Variants in CNTD1 observed in about 807,000 individuals in gnomAD.
The protein encoded by CNTD1 is cyclin N-terminal domain-containing protein 1.
Under a neutral mutation model 36.3 loss-of-function variants are expected in CNTD1, and 17 were observed. That is an observed-to-expected ratio of 0.47 (90% CI 0.32 to 0.70). The LOEUF (loss-of-function observed/expected upper bound fraction) is 0.70. CNTD1 is among the 30% of genes least tolerant of loss of function. The pLI is 0.03. For synonymous variants in CNTD1, 128 were observed against 153.3 expected, an observed-to-expected ratio of 0.83 and a Z score of 1.22; for missense variants, 338 against 386.1, an observed-to-expected ratio of 0.88 and a Z score of 1.04.
chr17:42,803,532 CCAT>C (rs1258263049), intron 1 of CNTD1, 85 bp from the exon 2 acceptor site: 10 of 949,694 alleles, frequency 1.1e-5, no homozygotes, highest in Admixed American at 1.9e-5. Context: ...TCCCTTGGCC[CCAT>C]CACGGCTTTT....
chr17:42,808,537 T>A, intron 6 of CNTD1, among the ~76,000 whole-genome samples: 1 of 129,008 alleles, frequency 7.8e-6, no homozygotes, highest in African/African-American at 3.0e-5. Context: ...GGAGACAGAG[T>A]GAGACCCCAT....
At position 42,811,052 on chromosome 17, in the gene CNTD1, G is replaced by A. The variant is rs975451241; in HGVS notation, c.*1517G>A. 1 of 1,058,576 alleles carries A rather than the reference G, an allele frequency of 9.4e-7. No homozygotes were observed. The highest frequency in any genetic ancestry group is 2.6e-5 in the East Asian group (1 of 38,022). 65.6% of individuals were successfully genotyped at this position (1,058,576 alleles called of 1,614,324 possible). On this transcript the variant is annotated 3_prime_UTR_variant, in exon 7 of 7. Coordinates refer to ENST00000588408, the MANE Select transcript of CNTD1 (RefSeq NM_173478.3). ...TATTAAAGAACACTTGGTGAGGAAT[G>A]ATAGTGTATTTTGGATTTGCTTGAA...
rs779834216 is a variant in CNTD1 at position 42,810,928 on chromosome 17, C to T, written c.*1393C>T. The T allele has an allele frequency of 2.6e-5, 41 of 1,605,632 alleles. No individual in the cohort carries two copies. The Admixed American group carries it at 7.0e-4, about 27-fold the overall frequency. On this transcript the variant is annotated 3_prime_UTR_variant, in exon 7 of 7. Transcript: ENST00000588408. ...CAATCTTGCCTTTCTCCACATCCAT[C>T]CTGCAGATGGACAGAGCAAAACTCA...
At chr17:42,808,553 T>TA (rs775660371) in intron 6 of CNTD1, among the ~76,000 whole-genome samples, 3,723 of 99,802 alleles carry the variant, frequency 0.037, 73 homozygotes, top group South Asian at 0.09. Flanking sequence ...CCCATCTCAT[T>TA]AAAAAAAAAA....
chr17:42,801,556 GT>G (rs2054796730), intron 1 of CNTD1, among the ~76,000 whole-genome samples: 3 of 121,826 alleles, frequency 2.5e-5, no homozygotes, highest in African/African-American at 9.1e-5. Flanking sequence ...TAATATATGT[GT>G]GTGTGTGTGT....
chr17:42,808,889 A>C (rs1405302032), intron 6 of CNTD1, among the ~76,000 whole-genome samples: 3 of 152,130 alleles, frequency 2.0e-5, no homozygotes, highest in Non-Finnish European at 4.4e-5. Flanking sequence ...TTCTACAAAA[A>C]ATAAACAAAA....
In CNTD1 at chr17:42,810,683, G is replaced by T. The variant is rs756578156; in HGVS notation, c.*1148G>T. The stretch of plus-strand genomic sequence containing the variant: ...AAACATGTACTGTTTAATATTACCC[G>T]AATTTAATTTAAAACATGTTTGCAA... On this transcript the variant is annotated 3_prime_UTR_variant, in exon 7 of 7. Coordinates refer to ENST00000588408, the MANE Select transcript of CNTD1 (RefSeq NM_173478.3). 5 of 1,441,002 alleles carry T rather than the reference G, an allele frequency of 3.5e-6. No homozygotes were observed. The highest frequency in any genetic ancestry group is 2.8e-6 in the Non-Finnish European group (3 of 1,070,686). 89.3% of individuals were successfully genotyped at this position (1,441,002 alleles called of 1,614,324 possible).
intron 5 of CNTD1, among the ~76,000 whole-genome samples, chr17:42,807,121 G>GA (rs200593733): frequency 0.02 from 3,027 of 150,574 alleles, 91 homozygotes; most frequent in African/African-American, 0.069. Flanking sequence ...CAGTCATTTA[G>GA]AAAAAAAAAC....
Position 42,805,608 on chromosome 17 carries a change from G to C in CNTD1, c.418-114G>C, listed in dbSNP as rs2054865811. ...GCAGAGTGTGAGGGGGAATTACCAA[G>C]AGACAAGACTGAAGATGAAGGAATA... On this transcript the variant is annotated intron_variant, in intron 3 of 6. Coordinates refer to ENST00000588408, the MANE Select transcript of CNTD1 (RefSeq NM_173478.3). 1.2e-5 allele frequency: 11 copies of C among 919,892 alleles called. No individual in the cohort carries two copies. In the South Asian group the frequency reaches 1.7e-4, roughly 14 times the overall value. The allele number at this position is 919,892 out of a possible 1,614,324, so 57.0% of individuals were successfully genotyped here. A position where few individuals can be genotyped will look rare whatever the true frequency, so the allele number is the denominator to read the frequency against.
chr17:42,806,242 T>A lies in CNTD1; in HGVS notation c.580+358T>A, dbSNP rs549651394. On this transcript the variant is annotated intron_variant, in intron 4 of 6. Transcript: ENST00000588408. The stretch of plus-strand genomic sequence containing the variant: ...ACTCCTTCTCAAAAAAAAAAAAAAA[T>A]GTGCACAGGGGTTTGGGAACAGTGG... Among the ~76,000 whole-genome samples, 142 of 141,322 alleles carry A rather than the reference T, an allele frequency of 1.0e-3. 1 individual carries two copies. Among genetic ancestry groups the A allele is most frequent in the South Asian group, 3.7e-3 (17 of 4,568 alleles). 92.7% of individuals were successfully genotyped at this position (141,322 alleles called of 152,430 possible). A position where few individuals can be genotyped will look rare whatever the true frequency, so the allele number is the denominator to read the frequency against.
In CNTD1 at chr17:42,807,529, CAGAT is replaced by C. The variant is rs144154903; in HGVS notation, c.726-235_726-232del. On this transcript the variant is annotated intron_variant, in intron 5 of 6. Transcript: ENST00000588408. ...CTCACAGTTACAATTGTTAGGGAAA[CAGAT>C]AGAACTAAAAAAGGCCTATAAACCA... Among the ~76,000 whole-genome samples the C allele has an allele frequency of 9.8e-3, 1,495 of 152,214 alleles. 28 individuals carry two copies. Among genetic ancestry groups the C allele is most frequent in the African/African-American group, 0.034 (1,415 of 41,552 alleles).
At position 42,804,351 on chromosome 17, in the gene CNTD1, T is replaced by C. The variant is rs773365679; in HGVS notation, c.372T>C (p.Leu124=). Residue 124 remains leucine (L), a synonymous_variant, in exon 3 of 7, where the codon CTT becomes CTC. Transcript: ENST00000588408. The stretch of plus-strand genomic sequence containing the variant: ...TTGTCAACAAGTTTACTCTCCGTCT[T>C]GTGTCATGTGTTCAGCTGGCCAGCA... ...QQLVNKFTLR[L]VSCVQLASKL... is the part of the protein sequence containing the mutation. 1.9e-6 allele frequency: 3 copies of C among 1,614,100 alleles called. No individual in the cohort carries two copies. The highest frequency in any genetic ancestry group is 2.5e-6 in the Non-Finnish European group (3 of 1,180,004).
chr17:42,800,090 A>AAAAAAAGG (rs58044350), intron 1 of CNTD1, among the ~76,000 whole-genome samples: 1 of 146,924 alleles, frequency 6.8e-6, no homozygotes, highest in Admixed American at 6.7e-5. Flanking sequence ...AAAAAAAAAA[A>AAAAAAAGG]GAGAAAAGAA....
intron 4 of CNTD1, 58 bp from the exon 5 acceptor site, chr17:42,806,616 T>TTATGA: frequency 6.4e-7 from 1 of 1,557,252 alleles, no homozygotes; most frequent in Admixed American, 1.7e-5. Flanking sequence ...ACAACTGTGG[T>TTATGA]TATGATCAGA....
At position 42,811,215 on chromosome 17, in the gene CNTD1, A is replaced by G; in HGVS notation, c.*1680A>G. 3.0e-6 allele frequency: 1 copy of G among 336,320 alleles called. No individual in the cohort carries two copies. The highest frequency in any genetic ancestry group is 4.7e-5 in the Admixed American group (1 of 21,166). 20.8% of individuals were successfully genotyped at this position (336,320 alleles called of 1,614,324 possible). A position where few individuals can be genotyped will look rare whatever the true frequency, so the allele number is the denominator to read the frequency against. On this transcript the variant is annotated 3_prime_UTR_variant, in exon 7 of 7. Coordinates refer to ENST00000588408, the MANE Select transcript of CNTD1 (RefSeq NM_173478.3). ...AGTACTTCTTGCTGTTTTCCTAGGC[A>G]TCCCTGAACTTGGCGGGGGAGAAAG... is the stretch of plus-strand genomic sequence containing the variant.
At position 42,810,324 on chromosome 17, in the gene CNTD1, TCATTTTCCCA is replaced by T. The variant is rs2054967165; in HGVS notation, c.*794_*803del. 6.5e-6 allele frequency: 1 copy of T among 153,918 alleles called. No homozygotes were observed. Among genetic ancestry groups the T allele is most frequent in the African/African-American group, 2.4e-5 (1 of 41,456 alleles). 9.5% of individuals were successfully genotyped at this position (153,918 alleles called of 1,614,324 possible). A position where few individuals can be genotyped will look rare whatever the true frequency, so the allele number is the denominator to read the frequency against. On this transcript the variant is annotated 3_prime_UTR_variant, in exon 7 of 7. Transcript: ENST00000588408. ...ATGGTGACCAGGTAAAGCTTAGATGTCATTTTCCCACATTATCCAACTGTGCATCTCAAAC... is the reference window on the plus strand; with the variant it reads ...ATGGTGACCAGGTAAAGCTTAGATGTCATTATCCAACTGTGCATCTCAAAC...
chr17:42,810,661 C>A lies in CNTD1; in HGVS notation c.*1126C>A. 7.7e-7 allele frequency: 1 copy of A among 1,301,276 alleles called. No homozygotes were observed. Among genetic ancestry groups the A allele is most frequent in the East Asian group, 2.5e-5 (1 of 40,658 alleles). 80.6% of individuals were successfully genotyped at this position (1,301,276 alleles called of 1,614,324 possible). On this transcript the variant is annotated 3_prime_UTR_variant, in exon 7 of 7. Coordinates refer to ENST00000588408, the MANE Select transcript of CNTD1 (RefSeq NM_173478.3). ...ATTTTTTCTTTTTTGGTATTGTAAA[C>A]ATGTACTGTTTAATATTACCCGAAT...
At chr17:42,807,453 G>A (rs2054899565) in intron 5 of CNTD1, among the ~76,000 whole-genome samples, 1 of 152,058 alleles carries the variant, frequency 6.6e-6, no homozygotes, top group Admixed American at 6.6e-5. Context: ...TCACAAGGTT[G>A]CAACTTGGAC....
At chr17:42,802,858 T>C (rs2054819106) in intron 1 of CNTD1, among the ~76,000 whole-genome samples, 1 of 152,172 alleles carries the variant, frequency 6.6e-6, no homozygotes. Flanking sequence ...GCAAGATAAA[T>C]ATAATTCTAT....
Sources: gnomAD v4.1 joint callset for allele counts (sites outside exome capture counted in the v4.1 genomes callset) on GRCh38, gnomAD v4.1.1 for gene constraint, MANE v1.5 for transcripts, NCBI Gene and HGNC (gene_info 2026-07-23, HGNC 2026-07-21) for gene names.